The following DAPK1 variants were observed in gnomAD, a reference collection of about 807,000 sequenced individuals.
The protein encoded by DAPK1 is death-associated protein kinase 1.
Under a neutral mutation model 144.9 loss-of-function variants are expected in DAPK1, and 56 were observed. The observed-to-expected ratio is 0.39, with a 90% CI of 0.31 to 0.48. The LOEUF (loss-of-function observed/expected upper bound fraction) is 0.48. Among genes scored for constraint, DAPK1 ranks in the 20% least tolerant of loss-of-function variants. DAPK1 has a pLI of 0.95. For synonymous variants in DAPK1, 690 were observed against 749.0 expected, an observed-to-expected ratio of 0.92 and a Z score of 1.29; for missense variants, 1,454 against 1,875.4, an observed-to-expected ratio of 0.78 and a Z score of 4.15.
chr9:87,620,880 G>A (rs1046792577), intron 3 of DAPK1, among the ~76,000 whole-genome samples: 8 of 152,180 alleles, frequency 5.3e-5, no homozygotes, highest in African/African-American at 1.7e-4. Flanking sequence ...GATGCCTGGA[G>A]GCCCCTGCTT....
chr9:87,605,188 T>G lies in DAPK1; in HGVS notation c.284+13T>G. Reference sequence around the variant, plus strand: ...TGATCTTGGAACTGTGAGTGCCGCCTGGGCCAGGCTGGGGAGAGGGTGTGG... The same window carrying G: ...TGATCTTGGAACTGTGAGTGCCGCCGGGGCCAGGCTGGGGAGAGGGTGTGG... On this transcript the variant is annotated intron_variant, in intron 3 of 25. Coordinates refer to ENST00000408954, the MANE Select transcript of DAPK1 (RefSeq NM_004938.4). The G allele has an allele frequency of 6.2e-7, 1 of 1,604,042 alleles. No individual in the cohort carries two copies. The highest frequency in any genetic ancestry group is 1.1e-5 in the South Asian group (1 of 90,892).
In DAPK1 at chr9:87,581,820, T is replaced by C. The variant is rs554987240; in HGVS notation, c.63-23134T>C. ...GGGAACAAACCAGCAATTCATCTCA[T>C]GCCTTTCATCTGGAGTAGATCATGT... On this transcript the variant is annotated intron_variant, in intron 2 of 25. Coordinates refer to ENST00000408954, the MANE Select transcript of DAPK1 (RefSeq NM_004938.4). 2.0e-5 allele frequency among the ~76,000 whole-genome samples: 3 copies of C among 152,368 alleles called. 1 individual carries two copies. The South Asian group carries it at 6.2e-4, about 32-fold the overall frequency.
intron 2 of DAPK1, chr9:87,525,387 A>T: frequency 6.2e-7 from 1 of 1,611,540 alleles, no homozygotes; most frequent in Non-Finnish European, 8.5e-7. Flanking sequence ...AACAACCGGC[A>T]CGGTCTGATC....
At chr9:87,607,460 GC>G (rs1181057179) in intron 3 of DAPK1, among the ~76,000 whole-genome samples, 1 of 152,146 alleles carries the variant, frequency 6.6e-6, no homozygotes, top group Non-Finnish European at 1.5e-5. Flanking sequence ...ATGAGTCACT[GC>G]CCCTCTTGTG....
chr9:87,525,141 C>T (rs562743158), intron 2 of DAPK1, among the ~76,000 whole-genome samples: 1 of 152,162 alleles, frequency 6.6e-6, no homozygotes, highest in Admixed American at 6.5e-5. Context: ...TGTGGATGAC[C>T]CTGTGCAAAC....
At chr9:87,589,378 C>T (rs1828047723) in intron 2 of DAPK1, among the ~76,000 whole-genome samples, 1 of 152,074 alleles carries the variant, frequency 6.6e-6, no homozygotes, top group African/African-American at 2.4e-5. Flanking sequence ...TTGTGCTTGT[C>T]CTCCCTTGAC....
intron 2 of DAPK1, among the ~76,000 whole-genome samples, chr9:87,589,735 T>C (rs1828060205): frequency 6.6e-6 from 1 of 152,204 alleles, no homozygotes; most frequent in Admixed American, 6.5e-5. Flanking sequence ...CCATTCCTCT[T>C]TGGCTGTCTT....
At chr9:87,647,269 C>T in intron 13 of DAPK1, 36 bp from the exon 14 acceptor site, 1 of 1,546,960 alleles carries the variant, frequency 6.5e-7, no homozygotes, top group Non-Finnish European at 8.9e-7. Flanking sequence ...GCTGTCAGCT[C>T]CCTAGAAATG....
chr9:87,510,093 G>A (rs1563965632), intron 2 of DAPK1, among the ~76,000 whole-genome samples: 2 of 152,218 alleles, frequency 1.3e-5, no homozygotes, highest in African/African-American at 2.4e-5. Context: ...TTGTTTGGGA[G>A]AGGAAGTGAA....
chr9:87,689,933 A>G (rs539279126), intron 21 of DAPK1, among the ~76,000 whole-genome samples: 1 of 152,316 alleles, frequency 6.6e-6, no homozygotes, highest in South Asian at 2.1e-4. Flanking sequence ...GAAGTCAAGT[A>G]GTGAGATGCC....
chr9:87,503,538 T>C (rs1439315745), intron 2 of DAPK1, among the ~76,000 whole-genome samples: 1 of 152,208 alleles, frequency 6.6e-6, no homozygotes, highest in Non-Finnish European at 1.5e-5. Flanking sequence ...CATGGGGCCA[T>C]TACCTTGGAC....
chr9:87,695,494 TGGG>T (rs1017061005), intron 21 of DAPK1, among the ~76,000 whole-genome samples: 1 of 152,214 alleles, frequency 6.6e-6, no homozygotes, highest in Non-Finnish European at 1.5e-5. Flanking sequence ...CCGGGAGTCC[TGGG>T]AGCTCCAGGT....
At chr9:87,691,009 T>A (rs1156786208) in intron 21 of DAPK1, among the ~76,000 whole-genome samples, 4 of 152,030 alleles carry the variant, frequency 2.6e-5, no homozygotes, top group Non-Finnish European at 5.9e-5. Flanking sequence ...CATTCTTTTC[T>A]GGTTTTGTTA....
At chr9:87,556,417 T>C (rs969889760) in intron 2 of DAPK1, among the ~76,000 whole-genome samples, 1 of 152,254 alleles carries the variant, frequency 6.6e-6, no homozygotes, top group African/African-American at 2.4e-5. Flanking sequence ...ATGCTGCCCG[T>C]CACGGGCAAA....
intron 18 of DAPK1, among the ~76,000 whole-genome samples, chr9:87,659,898 G>A (rs73483558): frequency 0.019 from 2,832 of 152,248 alleles, 82 homozygotes; most frequent in African/African-American, 0.063. Context: ...ACAGGCACGC[G>A]CCCCTCAGGA....
intron 21 of DAPK1, among the ~76,000 whole-genome samples, chr9:87,692,399 A>G (rs966917162): frequency 2.0e-5 from 3 of 152,100 alleles, no homozygotes; most frequent in African/African-American, 7.2e-5. Flanking sequence ...TCAGCAGCAT[A>G]TAGTTGGGCC....
At chr9:87,548,325 A>G (rs1171649574) in intron 2 of DAPK1, among the ~76,000 whole-genome samples, 1 of 152,124 alleles carries the variant, frequency 6.6e-6, no homozygotes, top group African/African-American at 2.4e-5. Flanking sequence ...TTTTCCCCCT[A>G]AATAGCTATG....
At chr9:87,692,385 C>A (rs1825090219) in intron 21 of DAPK1, among the ~76,000 whole-genome samples, 1 of 151,778 alleles carries the variant, frequency 6.6e-6, no homozygotes, top group African/African-American at 2.4e-5. Context: ...AAATGGATTT[C>A]TTGTCAGCAG....
At chr9:87,526,312 G>C (rs1337602025) in intron 2 of DAPK1, among the ~76,000 whole-genome samples, 2 of 152,140 alleles carry the variant, frequency 1.3e-5, no homozygotes, top group Non-Finnish European at 2.9e-5. Context: ...GTGTGTATTA[G>C]AGTTAATGCT....
Sources: allele counts gnomAD v4.1 joint callset (sites outside exome capture counted in the v4.1 genomes callset), GRCh38; gene constraint gnomAD v4.1.1; transcripts MANE v1.5; gene names NCBI Gene and HGNC (gene_info 2026-07-23, HGNC 2026-07-21).